The following PDZD2 variants were observed in gnomAD, a reference collection of about 807,000 sequenced individuals.
PDZD2 encodes PDZ domain containing 2, also known as PDZ domain-containing protein 2.
PDZD2 carries 90 observed loss-of-function variants against 220.7 expected under a neutral mutation model. That is an observed-to-expected ratio of 0.41 (90% CI 0.34 to 0.49). PDZD2 has a LOEUF of 0.49. PDZD2 is among the 20% of genes least tolerant of loss of function. The probability of loss-of-function intolerance (pLI) is 0.28; values close to 1 mark genes in which losing one functional copy is unlikely to be tolerated. For synonymous variants in PDZD2, 1,375 were observed against 1,450.5 expected, an observed-to-expected ratio of 0.95 and a Z score of 1.18; for missense variants, 3,174 against 3,608.5, an observed-to-expected ratio of 0.88 and a Z score of 3.08.
At chr5:31,656,381 A>T (rs1451565828) in intron 1 of PDZD2, among the ~76,000 whole-genome samples, 2 of 152,144 alleles carry the variant, frequency 1.3e-5, no homozygotes, top group Non-Finnish European at 2.9e-5. Context: ...TTTGTTGGTG[A>T]ACCTTTTGAT....
At position 32,048,586 on chromosome 5, in the gene PDZD2, G is replaced by A; in HGVS notation, c.1567G>A (p.Val523Met). 3.1e-6 allele frequency: 5 copies of A among 1,613,860 alleles called. No homozygotes were observed. The highest frequency in any genetic ancestry group is 4.5e-5 in the East Asian group (2 of 44,878). The change falls in exon 8 of 25, where the codon GTG becomes ATG. Residue 523 changes from valine to methionine, a missense_variant. Val to Met is a conservative substitution (Grantham distance 21). Transcript: ENST00000438447. ...AGTTGAAGAATATAACGAGCTGATG[G>A]TGCGGAATGGGGACCCCCGGATCCG... is the stretch of plus-strand genomic sequence containing the variant. The part of the protein sequence containing the change: ...ESVEEYNELM[V>M]RNGDPRIRML...
chr5:31,849,881 TATATATA>T, intron 2 of PDZD2, among the ~76,000 whole-genome samples: 1 of 46,144 alleles, frequency 2.2e-5, no homozygotes, highest in Non-Finnish European at 3.5e-5. Flanking sequence ...CATATATATA[TATATATA>T]CACATATATA....
intron 2 of PDZD2, among the ~76,000 whole-genome samples, chr5:31,895,397 G>A (rs1581017686): frequency 6.6e-6 from 1 of 152,250 alleles, no homozygotes; most frequent in East Asian, 1.9e-4. Flanking sequence ...TGTCATGTGA[G>A]GATACAGCTG....
intron 19 of PDZD2, among the ~76,000 whole-genome samples, chr5:32,085,350 G>A (rs151207158): frequency 6.7e-6 from 1 of 149,996 alleles, no homozygotes; most frequent in African/African-American, 2.5e-5. Context: ...TTAAATCAGG[G>A]TAATTAGCAT....
intron 2 of PDZD2, among the ~76,000 whole-genome samples, chr5:31,977,818 C>CA (rs1328899873): frequency 4.6e-5 from 7 of 152,068 alleles, no homozygotes; most frequent in African/African-American, 1.7e-4. Context: ...ACTGAAAATA[C>CA]AAAAAATTAG....
At chr5:31,664,220 C>G (rs1312206235) in intron 1 of PDZD2, among the ~76,000 whole-genome samples, 6 of 151,988 alleles carry the variant, frequency 3.9e-5, no homozygotes, top group Non-Finnish European at 8.8e-5. Flanking sequence ...CTAGGCTGGT[C>G]TTGAACTCCT....
In PDZD2 at chr5:31,849,895, T is replaced by C. The variant is rs893591922; in HGVS notation, c.476+50171T>C. Among the ~76,000 whole-genome samples, 126 of 29,288 alleles carry C rather than the reference T, an allele frequency of 4.3e-3. 2 individuals carry two copies. Among genetic ancestry groups the C allele is most frequent in the Middle Eastern group, 0.019 (1 of 54 alleles). The allele number at this position is 29,288 out of a possible 152,430, so 19.2% of individuals were successfully genotyped here. On this transcript the variant is annotated intron_variant, in intron 2 of 24. Coordinates refer to ENST00000438447, the MANE Select transcript of PDZD2 (RefSeq NM_178140.4). Reference sequence around the variant, plus strand: ...ACATATATATATATATATACACATATATATATATACATATATATATATACA... The same window carrying C: ...ACATATATATATATATATACACATACATATATATACATATATATATATACA...
intron 2 of PDZD2, among the ~76,000 whole-genome samples, chr5:31,933,241 G>C (rs1448744285): frequency 1.3e-5 from 2 of 152,116 alleles, no homozygotes; most frequent in Non-Finnish European, 2.9e-5. Context: ...ACTCATCCAA[G>C]TAGTAGCATG....
chr5:31,964,870 C>T (rs1748582479), intron 2 of PDZD2, among the ~76,000 whole-genome samples: 1 of 152,184 alleles, frequency 6.6e-6, no homozygotes, highest in Non-Finnish European at 1.5e-5. Flanking sequence ...CACCCGCCAC[C>T]ACGCCCGGCT....
At chr5:31,862,105 T>TG (rs1737769202) in intron 2 of PDZD2, among the ~76,000 whole-genome samples, 2 of 135,062 alleles carry the variant, frequency 1.5e-5, no homozygotes, top group South Asian at 2.6e-4. Flanking sequence ...TTTTGGGTTT[T>TG]TTTTTTTTTT....
chr5:32,084,599 G>A (rs1742264758), intron 19 of PDZD2, among the ~76,000 whole-genome samples: 1 of 152,220 alleles, frequency 6.6e-6, no homozygotes, highest in Non-Finnish European at 1.5e-5. Flanking sequence ...TGTGAGAGCT[G>A]TGGAACGAAC....
At chr5:31,667,024 CAGG>C (rs1746015203) in intron 1 of PDZD2, among the ~76,000 whole-genome samples, 1 of 151,978 alleles carries the variant, frequency 6.6e-6, no homozygotes. Flanking sequence ...ATCACGAGGT[CAGG>C]AGATCGAGAC....
At chr5:31,797,750 A>G (rs1036999665) in intron 1 of PDZD2, among the ~76,000 whole-genome samples, 1 of 152,184 alleles carries the variant, frequency 6.6e-6, no homozygotes, top group African/African-American at 2.4e-5. Flanking sequence ...AGCACGCTAT[A>G]TTGGAAATTT....
intron 1 of PDZD2, among the ~76,000 whole-genome samples, chr5:31,658,314 C>T (rs914086208): frequency 6.6e-5 from 10 of 152,174 alleles, no homozygotes; most frequent in Non-Finnish European, 1.5e-4. Flanking sequence ...GCGGAAACTC[C>T]GTTCATCCTG....
rs375951846 is a variant in PDZD2, at chr5:32,089,666, A to G, written c.6218A>G (p.Glu2073Gly). Residue 2073 changes from glutamate (E) to glycine (G), a missense_variant, in exon 20 of 25, where the codon GAA becomes GGA. Transcript: ENST00000438447. ...ACAGCCCAACCCAGGCCGACTGGCG[A>G]AAAAGGAGGCAACATAATGGCCAGC... is the stretch of plus-strand genomic sequence containing the variant. ...ADTAQPRPTG[E>G]KGGNIMASDR... 6 of 1,613,980 alleles carry G rather than the reference A, an allele frequency of 3.7e-6. No individual in the cohort carries two copies. In the African/African-American group the frequency reaches 8.0e-5, roughly 22 times the overall value.
At chr5:31,802,671 A>G (rs1383523201) in intron 2 of PDZD2, among the ~76,000 whole-genome samples, 1 of 152,202 alleles carries the variant, frequency 6.6e-6, no homozygotes, top group African/African-American at 2.4e-5. Flanking sequence ...CTGTAATCCC[A>G]GCACTTTGGG....
intron 4 of PDZD2, among the ~76,000 whole-genome samples, chr5:31,996,397 G>GT (rs1315390005): frequency 6.6e-6 from 1 of 152,160 alleles, no homozygotes; most frequent in Non-Finnish European, 1.5e-5. Context: ...GGGCAACATG[G>GT]TGAGACCTGG....
At chr5:31,651,879 G>A (rs545879471) in intron 1 of PDZD2, among the ~76,000 whole-genome samples, 1 of 119,244 alleles carries the variant, frequency 8.4e-6, no homozygotes, top group Non-Finnish European at 1.7e-5. Flanking sequence ...GTGTAGTGAT[G>A]CAATCTTGGC....
At chr5:31,717,229 G>A (rs142539805) in intron 1 of PDZD2, among the ~76,000 whole-genome samples, 65 of 152,290 alleles carry the variant, frequency 4.3e-4, no homozygotes, top group African/African-American at 1.5e-3. Context: ...TGGTATTGGA[G>A]CTAGTCCTGG....
Sources: gnomAD v4.1 joint callset for allele counts (sites outside exome capture counted in the v4.1 genomes callset) on GRCh38, gnomAD v4.1.1 for gene constraint, MANE v1.5 for transcripts, NCBI Gene and HGNC (gene_info 2026-07-23, HGNC 2026-07-21) for gene names.